Variants in OR52N4 observed in about 807,000 individuals in gnomAD.
The protein encoded by OR52N4 is olfactory receptor 52N4.
A neutral mutation model predicts 15.0 loss-of-function variants in OR52N4; 15 were observed. That is an observed-to-expected ratio of 1.00 (90% CI 0.67 to 1.54). The LOEUF (loss-of-function observed/expected upper bound fraction) is 1.54. OR52N4 is among the 40% of genes most tolerant of loss of function. The pLI, the probability that OR52N4 is intolerant of heterozygous loss-of-function variation, is 0.00. For missense variants in OR52N4, 421 were observed against 394.0 expected, an observed-to-expected ratio of 1.07 and a Z score of -0.58; for synonymous variants, 143 against 143.7, an observed-to-expected ratio of 1.00 and a Z score of 0.03.
the OR52N4 span, chr11:5,734,238 A>G: frequency 2.2e-6 from 1 of 455,292 alleles, no homozygotes; most frequent in African/African-American, 2.0e-5. Flanking sequence ...TAAGCAAGGT[A>G]AGTGATAAAA....
the OR52N4 span, among the ~76,000 whole-genome samples, chr11:5,731,706 T>G: frequency 6.6e-6 from 1 of 152,174 alleles, no homozygotes; most frequent in South Asian, 2.1e-4. Flanking sequence ...GTCCCTGCCA[T>G]GTGAGCCATG....
chr11:5,732,999 A>G, the OR52N4 span, among the ~76,000 whole-genome samples: 1 of 152,168 alleles, frequency 6.6e-6, no homozygotes, highest in Non-Finnish European at 1.5e-5. Flanking sequence ...TATAAAATTT[A>G]CATCCAGTAT....
At chr11:5,729,307 A>G in the OR52N4 span, among the ~76,000 whole-genome samples, 1 of 151,504 alleles carries the variant, frequency 6.6e-6, no homozygotes, top group East Asian at 1.9e-4. Flanking sequence ...TTTTTAGTAG[A>G]GACGGGGTTT....
chr11:5,734,338 T>G, the OR52N4 span: 1 of 382,556 alleles, frequency 2.6e-6, no homozygotes, highest in South Asian at 2.0e-5. Flanking sequence ...GCAAAAAGAT[T>G]GACATTTCTC....
chr11:5,751,731 A>T (rs1590343174), upstream of OR52N4, among the ~76,000 whole-genome samples: 1 of 152,148 alleles, frequency 6.6e-6, no homozygotes, highest in South Asian at 2.1e-4. Flanking sequence ...AGGATGCTTT[A>T]CCAGACACTG....
chr11:5,737,364 T>C, the OR52N4 span: 7 of 1,614,146 alleles, frequency 4.3e-6, no homozygotes, highest in Non-Finnish European at 5.1e-6. Flanking sequence ...ATTCCAGTTC[T>C]ACTTAATGTG....
the OR52N4 span, among the ~76,000 whole-genome samples, chr11:5,746,659 C>G: frequency 6.6e-6 from 1 of 152,046 alleles, no homozygotes; most frequent in Admixed American, 6.6e-5. Flanking sequence ...GTATAAACAA[C>G]AGATTTTGTC....
At chr11:5,752,187 T>C (rs2134212038), upstream of OR52N4, among the ~76,000 whole-genome samples, 1 of 152,308 alleles carries the variant, frequency 6.6e-6, no homozygotes, top group East Asian at 1.9e-4. Context: ...GAGCATCTCC[T>C]GAGGCTAGGT....
the OR52N4 span, chr11:5,737,047 T>C: frequency 1.2e-6 from 2 of 1,614,010 alleles, no homozygotes; most frequent in Non-Finnish European, 1.7e-6. Flanking sequence ...AGCGTGATTA[T>C]TGCTCCAAGA....
intron 1 of OR52N4, among the ~76,000 whole-genome samples, 161 bp downstream of exon 1, chr11:5,754,466 TTTGA>T (rs1476305927): frequency 8.5e-5 from 13 of 152,156 alleles, no homozygotes; most frequent in Non-Finnish European, 1.5e-4. Flanking sequence ...ATAATTGATG[TTTGA>T]TTGGCATCTG....
the OR52N4 span, among the ~76,000 whole-genome samples, chr11:5,730,189 ATTTTT>A: frequency 9.1e-6 from 1 of 110,212 alleles, no homozygotes. Flanking sequence ...AGCAGTAACC[ATTTTT>A]TTTTTTTTTT....
Position 5,755,647 on chromosome 11 carries a change from C to T in OR52N4, c.907C>T (p.Arg303Ter), listed in dbSNP as rs199613473. 351 of 1,613,714 alleles carry T rather than the reference C, an allele frequency of 2.2e-4. No individual in the cohort carries two copies. Among genetic ancestry groups the T allele is most frequent in the African/African-American group, 1.8e-3 (138 of 75,022 alleles). The change falls in exon 2 of 2, where the codon CGA (arginine) becomes TGA (stop). Residue 303 changes from arginine to a stop codon, truncating the protein, a stop_gained. Coordinates refer to ENST00000641350, the MANE Select transcript of OR52N4 (RefSeq NM_001005175.5). LOFTEE classifies it high-confidence loss of function. Reference sequence around the variant, plus strand: ...CTATGGGGTGAAAACCAAACAGATACGAGACTGTGTCATAAGGATCCTTTC... The same window carrying T: ...CTATGGGGTGAAAACCAAACAGATATGAGACTGTGTCATAAGGATCCTTTC... ...IVYGVKTKQI[R>*]DCVIRILSGS...
chr11:5,730,839 A>G, the OR52N4 span, among the ~76,000 whole-genome samples: 271 of 151,346 alleles, frequency 1.8e-3, 1 homozygote, highest in Non-Finnish European at 3.3e-3. Context: ...TGTGCTCTTC[A>G]TTGCATTAGG....
chr11:5,727,015 CCAAAGCCATGTGATCCTACA>C, the OR52N4 span: 1 of 147,434 alleles, frequency 6.8e-6, no homozygotes, highest in African/African-American at 2.5e-5. Flanking sequence ...TGAACTTCTG[CCAAAGCCATGTGATCCTACA>C]CACGTACTGT....
the OR52N4 span, among the ~76,000 whole-genome samples, chr11:5,738,942 C>T: frequency 1.5e-5 from 1 of 68,934 alleles, no homozygotes. Context: ...GCAGGAATAC[C>T]AGTTGCTAGA....
At chr11:5,729,221 A>G in the OR52N4 span, among the ~76,000 whole-genome samples, 2 of 142,680 alleles carry the variant, frequency 1.4e-5, no homozygotes, top group South Asian at 4.4e-4. Flanking sequence ...CCAGGCTCAC[A>G]CCATTCTCCT....
At chr11:5,749,116 C>T in the OR52N4 span, among the ~76,000 whole-genome samples, 94 of 135,672 alleles carry the variant, frequency 6.9e-4, no homozygotes, top group Non-Finnish European at 1.2e-3. Context: ...GCTGTGGATA[C>T]ATATATTAAT....
At chr11:5,735,255 A>G in the OR52N4 span, among the ~76,000 whole-genome samples, 1 of 152,110 alleles carries the variant, frequency 6.6e-6, no homozygotes, top group Non-Finnish European at 1.5e-5. Flanking sequence ...TAAGTATTAT[A>G]TGTATCTGCA....
At chr11:5,747,424 T>A in the OR52N4 span, among the ~76,000 whole-genome samples, 120,338 of 151,932 alleles carry the variant, frequency 0.79, 48,268 homozygotes, top group Non-Finnish European at 0.86. Flanking sequence ...TCTTGGGCAA[T>A]AAGGGAGATT....
Sources: allele counts gnomAD v4.1 joint callset (sites outside exome capture counted in the v4.1 genomes callset), GRCh38; gene constraint gnomAD v4.1.1; transcripts MANE v1.5; gene names NCBI Gene and HGNC (gene_info 2026-07-23, HGNC 2026-07-21).